FBXO25: variants seen among roughly 807,000 people sequenced by gnomAD.
The protein encoded by FBXO25 is F-box protein 25.
In FBXO25, 45 loss-of-function variants were observed where a neutral mutation model predicts 51.9. The ratio of observed to expected loss-of-function variants is 0.87; its 90% CI spans 0.68 to 1.11. FBXO25 has a LOEUF of 1.11. Among genes scored for constraint, FBXO25 ranks in the 50% most tolerant of loss-of-function variants. The pLI is 0.00. For missense variants in FBXO25, 507 were observed against 428.5 expected (o/e 1.18, Z -1.62); for synonymous variants, 199 against 151.0 (o/e 1.32, Z -2.33).
intron 1 of FBXO25, 94 bp from the exon 2 acceptor site, chr8:412,979 A>T: frequency 9.5e-7 from 1 of 1,051,204 alleles, no homozygotes; most frequent in Admixed American, 3.3e-5. Context: ...TTAAATGTTA[A>T]GAACTTTAAT....
intron 7 of FBXO25, among the ~76,000 whole-genome samples, chr8:454,066 G>A (rs1468500796): frequency 3.9e-5 from 6 of 152,200 alleles, no homozygotes; most frequent in Admixed American, 3.9e-4. Context: ...GGAGGTTGCA[G>A]TGAGCCGAGA....
intron 5 of FBXO25, among the ~76,000 whole-genome samples, chr8:441,902 C>T (rs886943597): frequency 1.3e-5 from 2 of 152,202 alleles, no homozygotes; most frequent in Non-Finnish European, 2.9e-5. Context: ...TGCTTTTACA[C>T]TGTTGGTGGG....
intron 2 of FBXO25, among the ~76,000 whole-genome samples, chr8:413,904 G>T (rs912526456): frequency 1.3e-5 from 2 of 152,150 alleles, no homozygotes; most frequent in Admixed American, 6.5e-5. Flanking sequence ...CAGTACCAGG[G>T]TAGGTGGCTA....
Position 413,107 on chromosome 8 carries a change from T to G in FBXO25, c.28T>G (p.Ser10Ala), listed in dbSNP as rs1367897220. The G allele has an allele frequency of 6.3e-7, 1 of 1,596,536 alleles. No homozygotes were observed. The highest frequency in any genetic ancestry group is 8.5e-7 in the Non-Finnish European group (1 of 1,172,736). The change falls in exon 2 of 10, where the codon TCT (serine) becomes GCT (alanine). Residue 10 changes from serine to alanine, a missense_variant. Ser to Ala is a moderately conservative substitution (Grantham distance 99). Transcript: ENST00000350302. ...GCCATTTTTGGGTCAGGACTGGAGA[T>G]CTCCTGGATGGAGTTGGATTAAGAC... MPFLGQDWR[S>A]PGWSWIKTED...
intron 7 of FBXO25, among the ~76,000 whole-genome samples, chr8:453,528 C>T (rs1191310316): frequency 2.0e-5 from 3 of 152,154 alleles, no homozygotes; most frequent in Non-Finnish European, 4.4e-5. Context: ...AACTGAGCTG[C>T]ATTTGTAGAT....
intron 5 of FBXO25, 62 bp from the exon 6 acceptor site, chr8:449,928 G>A (rs2116716116): frequency 8.8e-7 from 1 of 1,131,798 alleles, no homozygotes. Flanking sequence ...TTATATCACT[G>A]TGGTTTGTAA....
chr8:436,786 C>G (rs1273465569), intron 5 of FBXO25, among the ~76,000 whole-genome samples: 2 of 152,206 alleles, frequency 1.3e-5, no homozygotes, highest in Non-Finnish European at 2.9e-5. Flanking sequence ...CTCCATGTAG[C>G]TCTCTGATAG....
intron 2 of FBXO25, among the ~76,000 whole-genome samples, chr8:421,281 G>A (rs1272895826): frequency 2.0e-5 from 3 of 152,142 alleles, no homozygotes; most frequent in African/African-American, 4.8e-5. Context: ...CCCCCTCCTC[G>A]CCCCAGTCTG....
At chr8:422,934 A>G (rs7836024) in intron 2 of FBXO25, among the ~76,000 whole-genome samples, 1 of 152,054 alleles carries the variant, frequency 6.6e-6, no homozygotes, top group African/African-American at 2.4e-5. Flanking sequence ...TTAAAAGTCT[A>G]TTCTGCTGTA....
chr8:408,878 A>G (rs1466422390), intron 1 of FBXO25, among the ~76,000 whole-genome samples: 1 of 152,234 alleles, frequency 6.6e-6, no homozygotes, highest in African/African-American at 2.4e-5. Context: ...TACAAGCTAC[A>G]CCCTTTGAGT....
At position 471,868 on chromosome 8, in the gene FBXO25, G is replaced by A. The variant is rs1045074507; in HGVS notation, c.*3064G>A. The A allele has an allele frequency of 1.3e-5, 2 of 152,200 alleles. No homozygotes were observed. Among genetic ancestry groups the A allele is most frequent in the Non-Finnish European group, 2.9e-5 (2 of 68,044 alleles). The allele number at this position is 152,200 out of a possible 1,614,324, so 9.4% of individuals were successfully genotyped here. ...TGTACAGGGCTGTACACAGCAAACTGTGTCTACTTTATGGAAAAAATTTAA... is the reference window on the plus strand; with the variant it reads ...TGTACAGGGCTGTACACAGCAAACTATGTCTACTTTATGGAAAAAATTTAA... On this transcript the variant is annotated 3_prime_UTR_variant, in exon 10 of 10. Transcript: ENST00000350302.
At chr8:418,815 A>AT (rs910131765) in intron 2 of FBXO25, among the ~76,000 whole-genome samples, 19 of 152,288 alleles carry the variant, frequency 1.2e-4, no homozygotes, top group African/African-American at 3.9e-4. Context: ...GAAGGGAAAG[A>AT]TTTTTTCAAC....
rs1175148254 is a variant in FBXO25 at position 455,726 on chromosome 8, C to T, written c.661-2643C>T. On this transcript the variant is annotated intron_variant, in intron 7 of 9. Coordinates refer to ENST00000350302, the MANE Select transcript of FBXO25 (RefSeq NM_183420.2). ...AGAGAAGCAGCAGCATCGTTTCTTCCTTCCAGTGCAGTGTAGGTGTGAGAG... is the reference window on the plus strand; with the variant it reads ...AGAGAAGCAGCAGCATCGTTTCTTCTTTCCAGTGCAGTGTAGGTGTGAGAG... Among the ~76,000 whole-genome samples the T allele has an allele frequency of 2.0e-5, 3 of 152,350 alleles. No individual in the cohort carries two copies. The East Asian group carries it at 5.8e-4, about 29-fold the overall frequency.
At chr8:412,846 G>A (rs1796565593) in intron 1 of FBXO25, among the ~76,000 whole-genome samples, 1 of 152,112 alleles carries the variant, frequency 6.6e-6, no homozygotes, top group East Asian at 1.9e-4. Flanking sequence ...CCTTTCATGG[G>A]ATACGCAGTA....
At chr8:427,471 A>G (rs1797562875) in intron 2 of FBXO25, among the ~76,000 whole-genome samples, 3 of 151,352 alleles carry the variant, frequency 2.0e-5, no homozygotes, top group Admixed American at 2.0e-4. Context: ...GCATATATGT[A>G]CCTTTCATAA....
intron 5 of FBXO25, among the ~76,000 whole-genome samples, chr8:437,249 G>T (rs761435492): frequency 3.3e-5 from 5 of 152,154 alleles, no homozygotes; most frequent in Non-Finnish European, 7.3e-5. Context: ...ATTAAAATGT[G>T]CTGTGCACTC....
At chr8:452,583 G>T (rs530198435) in intron 7 of FBXO25, among the ~76,000 whole-genome samples, 1 of 152,224 alleles carries the variant, frequency 6.6e-6, no homozygotes, top group Non-Finnish European at 1.5e-5. Flanking sequence ...GTGACCTTCT[G>T]GGGAGAGAAT....
At chr8:455,791 G>A (rs1044374885) in intron 7 of FBXO25, among the ~76,000 whole-genome samples, 5 of 152,218 alleles carry the variant, frequency 3.3e-5, no homozygotes, top group African/African-American at 1.2e-4. Flanking sequence ...ATCAGTGGAG[G>A]AAGTGCAGCA....
intron 4 of FBXO25, among the ~76,000 whole-genome samples, chr8:435,290 A>T (rs1409608064): frequency 6.6e-6 from 1 of 152,116 alleles, no homozygotes; most frequent in African/African-American, 2.4e-5. Flanking sequence ...CAGTTTTTTT[A>T]TGATCTTAGC....
Sources: allele counts gnomAD v4.1 joint callset (sites outside exome capture counted in the v4.1 genomes callset), GRCh38; gene constraint gnomAD v4.1.1; transcripts MANE v1.5; gene names NCBI Gene and HGNC (gene_info 2026-07-23, HGNC 2026-07-21).